Variants in CDKAL1 observed in about 807,000 individuals in gnomAD.
The protein encoded by CDKAL1 is threonylcarbamoyladenosine tRNA methylthiotransferase.
A neutral mutation model predicts 68.2 loss-of-function variants in CDKAL1; 32 were observed. The observed-to-expected ratio is 0.47, with a 90% CI of 0.35 to 0.63. The LOEUF is 0.63. Among genes scored for constraint, CDKAL1 ranks in the 30% least tolerant of loss-of-function variants. CDKAL1 has a pLI of 0.00. For missense variants in CDKAL1, 606 were observed against 696.7 expected (o/e 0.87, Z 1.47); for synonymous variants, 234 against 244.3 (o/e 0.96, Z 0.39).
At chr6:20,597,871 T>C (rs1427638799) in intron 4 of CDKAL1, among the ~76,000 whole-genome samples, 1 of 152,248 alleles carries the variant, frequency 6.6e-6, no homozygotes, top group East Asian at 1.9e-4. Context: ...GGAGGAACTC[T>C]TGGGATTCAG....
chr6:20,667,373 CT>C (rs1300690555), intron 5 of CDKAL1, among the ~76,000 whole-genome samples: 1 of 152,122 alleles, frequency 6.6e-6, no homozygotes, highest in African/African-American at 2.4e-5. Flanking sequence ...TGTGGTAATG[CT>C]TCTTTGTTGA....
At chr6:20,826,499 CT>C in intron 8 of CDKAL1, among the ~76,000 whole-genome samples, 1 of 152,244 alleles carries the variant, frequency 6.6e-6, no homozygotes, top group South Asian at 2.1e-4. Context: ...TATCTCCCTT[CT>C]TTATTTTTAA....
chr6:20,653,999 G>A (rs912034866), intron 5 of CDKAL1, among the ~76,000 whole-genome samples: 1 of 152,090 alleles, frequency 6.6e-6, no homozygotes, highest in Non-Finnish European at 1.5e-5. Flanking sequence ...CACCCACCTT[G>A]GCCTCCCAAA....
intron 10 of CDKAL1, among the ~76,000 whole-genome samples, chr6:20,999,823 A>G (rs1455881650): frequency 2.0e-5 from 3 of 152,066 alleles, no homozygotes; most frequent in Non-Finnish European, 4.4e-5. Flanking sequence ...AGTATAGGGG[A>G]TTATGGGATC....
At chr6:21,056,582 G>A (rs1770845636) in intron 11 of CDKAL1, among the ~76,000 whole-genome samples, 1 of 152,160 alleles carries the variant, frequency 6.6e-6, no homozygotes, top group South Asian at 2.1e-4. Context: ...TAGCGAGAGA[G>A]GGCATCTTTG....
At chr6:21,149,821 T>C (rs1285554328) in intron 13 of CDKAL1, among the ~76,000 whole-genome samples, 2 of 152,180 alleles carry the variant, frequency 1.3e-5, no homozygotes, top group East Asian at 3.8e-4. Context: ...TTCCAAAATG[T>C]GCAGCAGCCA....
chr6:21,092,783 ATATTT>A (rs1773111083), intron 12 of CDKAL1, among the ~76,000 whole-genome samples: 1 of 152,020 alleles, frequency 6.6e-6, no homozygotes, highest in South Asian at 2.1e-4. Context: ...ATGAGAGAAG[ATATTT>A]TATTCATGAA....
At chr6:20,746,953 C>T (rs1210766696) in intron 6 of CDKAL1, among the ~76,000 whole-genome samples, 1 of 152,148 alleles carries the variant, frequency 6.6e-6, no homozygotes, top group African/African-American at 2.4e-5. Context: ...ACTTGTCCTA[C>T]ATAACTGCAA....
chr6:20,671,814 C>G (rs1290291073), intron 5 of CDKAL1, among the ~76,000 whole-genome samples: 2 of 151,982 alleles, frequency 1.3e-5, no homozygotes, highest in African/African-American at 4.8e-5. Flanking sequence ...TAATGGCTTA[C>G]TACAGCCTTG....
At chr6:20,642,491 A>AAC (rs1554167891) in intron 4 of CDKAL1, among the ~76,000 whole-genome samples, 79 of 151,330 alleles carry the variant, frequency 5.2e-4, no homozygotes, top group Middle Eastern at 6.8e-3. Flanking sequence ...AAAAAAAAAA[A>AAC]AACACTGCGA....
chr6:20,854,512 T>C (rs1292598781), intron 9 of CDKAL1, among the ~76,000 whole-genome samples: 2 of 152,250 alleles, frequency 1.3e-5, no homozygotes, highest in African/African-American at 4.8e-5. Context: ...CAGTACATTA[T>C]CACAATCAAT....
chr6:21,183,905 C>T (rs1777901359), intron 13 of CDKAL1, among the ~76,000 whole-genome samples: 1 of 152,084 alleles, frequency 6.6e-6, no homozygotes, highest in African/African-American at 2.4e-5. Flanking sequence ...CTCCTCTTGG[C>T]CGGGGGCATT....
chr6:21,212,894 G>T (rs187848796), intron 15 of CDKAL1, among the ~76,000 whole-genome samples: 10 of 152,120 alleles, frequency 6.6e-5, no homozygotes, highest in Non-Finnish European at 8.8e-5. Context: ...GGTATCTAGG[G>T]CAGTTTTCTG....
At chr6:20,987,728 T>C (rs1316013859) in intron 10 of CDKAL1, among the ~76,000 whole-genome samples, 2 of 152,170 alleles carry the variant, frequency 1.3e-5, no homozygotes, top group Non-Finnish European at 1.5e-5. Context: ...TATGACAAGA[T>C]TGGGTTCTAA....
intron 3 of CDKAL1, 24 bp downstream of exon 3, chr6:20,546,547 T>A (rs1368076514): frequency 1.3e-6 from 2 of 1,599,614 alleles, no homozygotes; most frequent in Non-Finnish European, 1.7e-6. Flanking sequence ...CTTGAAATTA[T>A]ATTCATTTTC....
intron 4 of CDKAL1, among the ~76,000 whole-genome samples, chr6:20,628,482 T>C (rs1424176151): frequency 2.0e-5 from 3 of 152,200 alleles, no homozygotes; most frequent in Admixed American, 2.0e-4. Flanking sequence ...ACTTCATGTA[T>C]TTCTCTATTT....
Position 21,093,694 on chromosome 6 carries a change from CTTTTTTTTTTTTTTTTTTTT to C in CDKAL1, c.1237-14686_1237-14667del, listed in dbSNP as rs547923386. On this transcript the variant is annotated intron_variant, in intron 12 of 15. Transcript: ENST00000274695. ...ATAACCAACTGAGCTGCTGCTGCTG[CTTTTTTTTTTTTTTTTTTTT>C]TTTTTTTTTTTTTTTTTTTTGGAGA... Among the ~76,000 whole-genome samples the C allele has an allele frequency of 5.6e-3, 495 of 88,076 alleles. 7 individuals are homozygous for C. Among genetic ancestry groups the C allele is most frequent in the African/African-American group, 0.02 (443 of 21,918 alleles). The allele number at this position is 88,076 out of a possible 152,430, so 57.8% of individuals were successfully genotyped here. A position where few individuals can be genotyped will look rare whatever the true frequency, so the allele number is the denominator to read the frequency against.
At chr6:20,561,168 G>T (rs1375232087) in intron 4 of CDKAL1, among the ~76,000 whole-genome samples, 1 of 152,004 alleles carries the variant, frequency 6.6e-6, no homozygotes, top group Non-Finnish European at 1.5e-5. Context: ...TCAGCCGGGC[G>T]CAGTGGCTCA....
At chr6:21,183,477 G>A (rs1777880222) in intron 13 of CDKAL1, among the ~76,000 whole-genome samples, 1 of 152,142 alleles carries the variant, frequency 6.6e-6, no homozygotes. Flanking sequence ...GTACAGTGTT[G>A]CTTTCTAAAA....
Sources: allele counts gnomAD v4.1 joint callset (sites outside exome capture counted in the v4.1 genomes callset), GRCh38; gene constraint gnomAD v4.1.1; transcripts MANE v1.5; gene names NCBI Gene and HGNC (gene_info 2026-07-23, HGNC 2026-07-21).